MYO3B: variants seen among roughly 807,000 people sequenced by gnomAD.
MYO3B encodes the protein myosin-IIIb.
Under a neutral mutation model 174.6 loss-of-function variants are expected in MYO3B, and 156 were observed. That is an observed-to-expected ratio of 0.89 (90% CI 0.78 to 1.02). MYO3B has a LOEUF of 1.02. MYO3B is among the 50% of genes least tolerant of loss of function. The pLI is 0.00. For missense variants in MYO3B, 1,632 were observed against 1,639.4 expected (o/e 1.00, Z 0.08); for synonymous variants, 563 against 569.1 (o/e 0.99, Z 0.15).
chr2:170,310,686 A>AAAAAAAAAAAAAAAG (rs1394362887), intron 7 of MYO3B, among the ~76,000 whole-genome samples: 1 of 150,966 alleles, frequency 6.6e-6, no homozygotes, highest in African/African-American at 2.4e-5. Context: ...AAAAAAAAAA[A>AAAAAAAAAAAAAAAG]AGAAATACAT....
intron 14 of MYO3B, among the ~76,000 whole-genome samples, chr2:170,390,652 A>G (rs896397939): frequency 6.6e-6 from 1 of 152,206 alleles, no homozygotes; most frequent in Non-Finnish European, 1.5e-5. Context: ...TAGGTTGACC[A>G]AAGAAAAGAT....
At chr2:170,557,310 C>T (rs4668276) in intron 32 of MYO3B, among the ~76,000 whole-genome samples, 120,188 of 151,698 alleles carry the variant, frequency 0.79, 48,195 homozygotes, top group African/African-American at 0.87. Flanking sequence ...CAGCTAATTT[C>T]TTGTATTTTT....
chr2:170,219,702 G>A (rs980650787), intron 6 of MYO3B, among the ~76,000 whole-genome samples: 1 of 152,040 alleles, frequency 6.6e-6, no homozygotes, highest in Non-Finnish European at 1.5e-5. Flanking sequence ...GAAAGCCAAA[G>A]GGATAAGATG....
chr2:170,313,840 T>G (rs1232128273), intron 7 of MYO3B, among the ~76,000 whole-genome samples: 1 of 151,980 alleles, frequency 6.6e-6, no homozygotes, highest in Admixed American at 6.6e-5. Flanking sequence ...CACCCCTCAA[T>G]AGTAGCGGGT....
intron 32 of MYO3B, among the ~76,000 whole-genome samples, chr2:170,646,457 C>T (rs1230454772): frequency 3.3e-5 from 5 of 151,668 alleles, no homozygotes; most frequent in South Asian, 4.2e-4. Flanking sequence ...TACAGAGGCG[C>T]GATCTCGGCT....
chr2:170,493,872 G>A (rs1686663509), intron 25 of MYO3B, among the ~76,000 whole-genome samples: 1 of 152,118 alleles, frequency 6.6e-6, no homozygotes, highest in Non-Finnish European at 1.5e-5. Context: ...CAGCCAGTGA[G>A]GAATAGAATC....
At position 170,352,455 on chromosome 2, in the gene MYO3B, G is replaced by A. The variant is rs527864878; in HGVS notation, c.816-16767G>A. 4.6e-5 allele frequency among the ~76,000 whole-genome samples: 7 copies of A among 152,306 alleles called. No homozygotes were observed. The East Asian group carries it at 1.3e-3, about 29-fold the overall frequency. ...AGAAGACAGGAAATGAGGAAAAAAA[G>A]CATTGGAGGAAAAGGTTGGTAAAAA... is the stretch of plus-strand genomic sequence containing the variant. On this transcript the variant is annotated intron_variant, in intron 8 of 34. Transcript: ENST00000408978.
At chr2:170,631,086 A>G (rs1431891915) in intron 32 of MYO3B, among the ~76,000 whole-genome samples, 1 of 152,228 alleles carries the variant, frequency 6.6e-6, no homozygotes, top group Non-Finnish European at 1.5e-5. Flanking sequence ...AAGGCTTCAG[A>G]TGACCAAACT....
intron 8 of MYO3B, chr2:170,346,184 A>G (rs964792616): frequency 2.0e-5 from 3 of 152,210 alleles, no homozygotes; most frequent in Non-Finnish European, 4.4e-5. Flanking sequence ...GTACCTGTGA[A>G]TATTGTAGAG....
chr2:170,460,895 TATA>T (rs1214120619), intron 23 of MYO3B, among the ~76,000 whole-genome samples: 3 of 152,236 alleles, frequency 2.0e-5, no homozygotes, highest in Non-Finnish European at 2.9e-5. Context: ...GAAATTTTCT[TATA>T]AGAGTATTCC....
intron 22 of MYO3B, among the ~76,000 whole-genome samples, chr2:170,433,404 A>C (rs942640556): frequency 2.0e-5 from 3 of 152,238 alleles, no homozygotes; most frequent in Non-Finnish European, 4.4e-5. Context: ...TATTAGCAAA[A>C]AGAGATTTAT....
chr2:170,446,006 C>CA (rs374208297), intron 23 of MYO3B, among the ~76,000 whole-genome samples: 1,791 of 147,002 alleles, frequency 0.012, 37 homozygotes, highest in African/African-American at 0.041. Flanking sequence ...CACAAAAATG[C>CA]AAAAAAAAAA....
In MYO3B at chr2:170,542,889, T is replaced by G. The variant is rs369364157; in HGVS notation, c.3576-17T>G. On this transcript the variant is annotated splice_polypyrimidine_tract_variant and intron_variant, in intron 30 of 34. Transcript: ENST00000408978. ...TTTTCAAGTCTTTTAAAATTATTAT[T>G]ATTGTTATCTTTTCAGGCATTCACA... 1 of 1,575,202 alleles carries G rather than the reference T, an allele frequency of 6.3e-7. No homozygotes were observed. The highest frequency in any genetic ancestry group is 1.4e-5 in the African/African-American group (1 of 73,690).
chr2:170,228,960 CAAAA>C (rs539746576), intron 6 of MYO3B, among the ~76,000 whole-genome samples: 8,103 of 98,346 alleles, frequency 0.082, 184 homozygotes, highest in East Asian at 0.2. Context: ...ATTCCCTTTA[CAAAA>C]AAAAAAAAAA....
At chr2:170,338,559 T>A (rs945634692) in intron 8 of MYO3B, among the ~76,000 whole-genome samples, 1 of 152,170 alleles carries the variant, frequency 6.6e-6, no homozygotes, top group African/African-American at 2.4e-5. Context: ...TATATATCTT[T>A]AAATAGAAGC....
At chr2:170,651,843 C>T in intron 33 of MYO3B, 109 bp downstream of exon 33, 3 of 797,384 alleles carry the variant, frequency 3.8e-6, no homozygotes, top group Non-Finnish European at 6.2e-6. Context: ...CCCTCATGCT[C>T]TCGTCTTGAA....
At chr2:170,645,405 G>C (rs1197660939) in intron 32 of MYO3B, among the ~76,000 whole-genome samples, 4 of 149,400 alleles carry the variant, frequency 2.7e-5, no homozygotes, top group African/African-American at 7.4e-5. Context: ...CCCGGTGGAG[G>C]TTGCAGTGAA....
intron 7 of MYO3B, among the ~76,000 whole-genome samples, chr2:170,290,077 G>A (rs1408871919): frequency 1.3e-5 from 2 of 152,124 alleles, no homozygotes; most frequent in Non-Finnish European, 2.9e-5. Flanking sequence ...TATACCTGAT[G>A]TAATTTATAT....
intron 8 of MYO3B, among the ~76,000 whole-genome samples, chr2:170,354,884 G>T (rs1237258742): frequency 1.4e-5 from 2 of 140,368 alleles, no homozygotes; most frequent in Non-Finnish European, 3.0e-5. Context: ...CTTTCCTAAA[G>T]AAGAAAAATA....
Sources: allele counts gnomAD v4.1 joint callset (sites outside exome capture counted in the v4.1 genomes callset), GRCh38; gene constraint gnomAD v4.1.1; transcripts MANE v1.5; gene names NCBI Gene and HGNC (gene_info 2026-07-23, HGNC 2026-07-21).